The following PCDH8 variants were observed in gnomAD, a reference collection of about 807,000 sequenced individuals.
PCDH8 encodes the protein protocadherin-8.
PCDH8 carries 36 observed loss-of-function variants against 58.2 expected under a neutral mutation model. That is an observed-to-expected ratio of 0.62 (90% CI 0.47 to 0.82). The LOEUF is 0.82. PCDH8 is among the 40% of genes least tolerant of loss of function. PCDH8 has a pLI of 0.00. For missense variants in PCDH8, 1,493 were observed against 1,567.8 expected (o/e 0.95, Z 0.81); for synonymous variants, 775 against 728.9 (o/e 1.06, Z -1.02).
In PCDH8 at chr13:52,848,511, C is replaced by T; in HGVS notation, c.-75G>A. ...TTCCAGGTCGGGCGTCAGTCTCAGGCTCTCGGAATCACGCTCTTTGCGAGC... is the reference window on the plus strand; with the variant it reads ...TTCCAGGTCGGGCGTCAGTCTCAGGTTCTCGGAATCACGCTCTTTGCGAGC... On this transcript the variant is annotated 5_prime_UTR_variant, in exon 1 of 3. Transcript: ENST00000377942. The T allele has an allele frequency of 2.0e-6, 3 of 1,490,794 alleles. No homozygotes were observed. Among genetic ancestry groups the T allele is most frequent in the Non-Finnish European group, 2.7e-6 (3 of 1,126,740 alleles). The allele number at this position is 1,490,794 out of a possible 1,614,324, so 92.3% of individuals were successfully genotyped here.
rs1965752661 is a variant in PCDH8, at chr13:52,847,114, C to G, written c.1323G>C (p.Pro441=). The G allele has an allele frequency of 1.3e-6, 2 of 1,552,220 alleles. No homozygotes were observed. Among genetic ancestry groups the G allele is most frequent in the Admixed American group, 3.7e-5 (2 of 53,958 alleles). The change falls in exon 1 of 3, where the codon CCG becomes CCC. Residue 441 remains proline, a synonymous_variant. Coordinates refer to ENST00000377942, the MANE Select transcript of PCDH8 (RefSeq NM_002590.4). ...CCACCAGGTAGCTGCCCGCGTAGGCCGGCTGCAGCCGGAAGTGCTCGTGCC... is the reference window on the plus strand; with the variant it reads ...CCACCAGGTAGCTGCCCGCGTAGGCGGGCTGCAGCCGGAAGTGCTCGTGCC... ...LYGHEHFRLQ[P]AYAGSYLVVT...
rs1593426568 is a variant in PCDH8, at chr13:52,847,175, G to A, written c.1262C>T (p.Ser421Leu). The A allele has an allele frequency of 6.7e-7, 1 of 1,489,400 alleles. No homozygotes were observed. The highest frequency in any genetic ancestry group is 1.4e-5 in the African/African-American group (1 of 69,074). The allele number at this position is 1,489,400 out of a possible 1,614,324, so 92.3% of individuals were successfully genotyped here. The change falls in exon 1 of 3, where the codon TCG becomes TTG. Residue 421 changes from serine to leucine, a missense_variant. This residue lies in a region of PCDH8 where 1,307 missense variants were observed against 1,362.7 expected (regional missense o/e 0.96). Coordinates refer to ENST00000377942, the MANE Select transcript of PCDH8 (RefSeq NM_002590.4). The part of the protein sequence containing the change: ...VALVSTSDRD[S>L]GANGQVRCAL... ...GCAGCGCACTTGCCCGTTGGCGCCC[G>A]AGTCCCTGTCCGAGGTGCTGACCAG...
chr13:52,845,964 G>C lies in PCDH8; in HGVS notation c.2473C>G (p.Pro825Ala). The C allele has an allele frequency of 6.7e-7, 1 of 1,493,348 alleles. No homozygotes were observed. Among genetic ancestry groups the C allele is most frequent in the Non-Finnish European group, 8.8e-7 (1 of 1,134,574 alleles). 92.5% of individuals were successfully genotyped at this position (1,493,348 alleles called of 1,614,324 possible). ...RPNMFDVLTF[P>A]GTGKAPFGSP... Reference sequence around the variant, plus strand: ...CCAAAGGGCGCTTTGCCGGTGCCAGGGAAGGTGAGCACGTCGAACATGTTG... The same window carrying C: ...CCAAAGGGCGCTTTGCCGGTGCCAGCGAAGGTGAGCACGTCGAACATGTTG... The change falls in exon 1 of 3, where the codon CCT (proline) becomes GCT (alanine). Residue 825 changes from proline (P) to alanine (A), a missense_variant. This residue lies in a region of PCDH8 where 1,307 missense variants were observed against 1,362.7 expected (regional missense o/e 0.96). Coordinates refer to ENST00000377942, the MANE Select transcript of PCDH8 (RefSeq NM_002590.4).
At position 52,844,491 on chromosome 13, in the gene PCDH8, T is replaced by C; in HGVS notation, c.*69A>G. On this transcript the variant is annotated 3_prime_UTR_variant, in exon 3 of 3. Coordinates refer to ENST00000377942, the MANE Select transcript of PCDH8 (RefSeq NM_002590.4). ...TCTTGCATATTTATATATACAACACTGAAACCGGTCAATAACTTAGGGGCT... is the reference window on the plus strand; with the variant it reads ...TCTTGCATATTTATATATACAACACCGAAACCGGTCAATAACTTAGGGGCT... 1 of 1,369,556 alleles carries C rather than the reference T, an allele frequency of 7.3e-7. No individual in the cohort carries two copies. Among genetic ancestry groups the C allele is most frequent in the Non-Finnish European group, 9.9e-7 (1 of 1,008,676 alleles). 84.8% of individuals were successfully genotyped at this position (1,369,556 alleles called of 1,614,324 possible). A position where few individuals can be genotyped will look rare whatever the true frequency, so the allele number is the denominator to read the frequency against.
intron 1 of PCDH8, 47 bp from the exon 2 acceptor site, chr13:52,845,679 G>A: frequency 6.3e-7 from 1 of 1,597,954 alleles, no homozygotes; most frequent in Admixed American, 1.7e-5. Flanking sequence ...GGTTGGATAA[G>A]AAACAAACAA....
Position 52,844,364 on chromosome 13 carries a change from A to G in PCDH8, c.*196T>C. On this transcript the variant is annotated 3_prime_UTR_variant, in exon 3 of 3. Coordinates refer to ENST00000377942, the MANE Select transcript of PCDH8 (RefSeq NM_002590.4). Reference sequence around the variant, plus strand: ...TAGCATAAGAAAAATTAAATACTGCACACATTTCATAAAAATTACATTAAC... The same window carrying G: ...TAGCATAAGAAAAATTAAATACTGCGCACATTTCATAAAAATTACATTAAC... The G allele has an allele frequency of 2.2e-6, 1 of 457,238 alleles. No individual in the cohort carries two copies. Among genetic ancestry groups the G allele is most frequent in the Non-Finnish European group, 3.8e-6 (1 of 261,478 alleles). The allele number at this position is 457,238 out of a possible 1,614,324, so 28.3% of individuals were successfully genotyped here.
Position 52,847,555 on chromosome 13 carries a change from G to A in PCDH8, c.882C>T (p.Arg294=), listed in dbSNP as rs1215106465. 6.4e-7 allele frequency: 1 copy of A among 1,568,372 alleles called. No homozygotes were observed. Among genetic ancestry groups the A allele is most frequent in the Non-Finnish European group, 8.6e-7 (1 of 1,165,144 alleles). ...AFGARTPPEA[R]RLFRLDPRSG... ...ATCGCGGGTCAAGCCGAAAGAGGCGGCGCGCCTCCGGCGGGGTGCGGGCGC... is the reference window on the plus strand; with the variant it reads ...ATCGCGGGTCAAGCCGAAAGAGGCGACGCGCCTCCGGCGGGGTGCGGGCGC... The change falls in exon 1 of 3, where the codon CGC becomes CGT. Residue 294 remains arginine (R), a synonymous_variant. Coordinates refer to ENST00000377942, the MANE Select transcript of PCDH8 (RefSeq NM_002590.4).
chr13:52,846,853 G>A lies in PCDH8; in HGVS notation c.1584C>T (p.Arg528=). The change falls in exon 1 of 3, where the codon CGC becomes CGT. Residue 528 remains arginine, a synonymous_variant. Transcript: ENST00000377942. Reference sequence around the variant, plus strand: ...GCAGCCGGTAGGTGACCTGGCCGTTGCGGCCCAGGTCCCGGTCGCGGGCGG... The same window carrying A: ...GCAGCCGGTAGGTGACCTGGCCGTTACGGCCCAGGTCCCGGTCGCGGGCGG... ...TVAARDRDLG[R]NGQVTYRLLE... is the part of the protein sequence containing the mutation. The A allele has an allele frequency of 6.5e-7, 1 of 1,548,370 alleles. No homozygotes were observed. The highest frequency in any genetic ancestry group is 8.7e-7 in the Non-Finnish European group (1 of 1,152,108).
At position 52,845,465 on chromosome 13, in the gene PCDH8, C is replaced by T; in HGVS notation, c.2799G>A (p.Gly933=). 1 of 1,614,166 alleles carries T rather than the reference C, an allele frequency of 6.2e-7. No homozygotes were observed. Among genetic ancestry groups the T allele is most frequent in the Non-Finnish European group, 8.5e-7 (1 of 1,180,014 alleles). The change falls in exon 2 of 3, where the codon GGG becomes GGA. Residue 933 remains glycine, a synonymous_variant. Coordinates refer to ENST00000377942, the MANE Select transcript of PCDH8 (RefSeq NM_002590.4). ...TGATGAGATCCTTTTTCAGAGCGTC[C>T]CCGCTGATGTCGGAATCGCTGTCGT... ...DFNDSDSDIS[G]DALKKDLINH...
At position 52,846,534 on chromosome 13, in the gene PCDH8, G is replaced by T; in HGVS notation, c.1903C>A (p.Arg635Ser). 2 of 1,598,016 alleles carry T rather than the reference G, an allele frequency of 1.3e-6. No individual in the cohort carries two copies. The highest frequency in any genetic ancestry group is 1.7e-6 in the Non-Finnish European group (2 of 1,177,512). Residue 635 changes from arginine (R) to serine (S), a missense_variant, in exon 1 of 3, where the codon CGT (arginine) becomes AGT (serine). Physicochemically the swap from Arg to Ser is moderately radical, Grantham distance 110 (BLOSUM62 -1). This residue lies in a region of PCDH8 where 1,307 missense variants were observed against 1,362.7 expected (regional missense o/e 0.96). Transcript: ENST00000377942. ...TCGTCTGCATCCCGGGCCTGCACAC[G>T]GGCCACAACCGTGTCCTTTGCGGTG... ...GRTAKDTVVA[R>S]VQARDADEGA...
Position 52,846,038 on chromosome 13 carries a change from G to A in PCDH8, c.2399C>T (p.Ser800Leu), listed in dbSNP as rs1227280613. 6 of 1,498,144 alleles carry A rather than the reference G, an allele frequency of 4.0e-6. No homozygotes were observed. Among genetic ancestry groups the A allele is most frequent in the Admixed American group, 2.5e-5 (1 of 39,504 alleles). The allele number at this position is 1,498,144 out of a possible 1,614,324, so 92.8% of individuals were successfully genotyped here. Residue 800 changes from serine (S) to leucine (L), a missense_variant, in exon 1 of 3, where the codon TCG (serine) becomes TTG (leucine). Ser to Leu is a moderately radical substitution (Grantham distance 145). Transcript: ENST00000377942. The part of the protein sequence containing the change: ...ERPGAAGGGA[S>L]APGSPEEAAR... ...GGCCTCCTCCGGGGAGCCGGGAGCC[G>A]AGGCTCCGCCGCCCGCCGCCCCGGG...
chr13:52,847,605 T>A lies in PCDH8; in HGVS notation c.832A>T (p.Asn278Tyr). Residue 278 changes from asparagine to tyrosine, a missense_variant, in exon 1 of 3, where the codon AAC becomes TAC. Asn to Tyr is a moderately radical substitution (Grantham distance 143). Transcript: ENST00000377942. ...LDAADPDEGP[N>Y]GDVVFAFGAR... Reference sequence around the variant, plus strand: ...CCAAATGCGAACACCACGTCGCCGTTAGGTCCCTCGTCGGGGTCGGCTGCG... The same window carrying A: ...CCAAATGCGAACACCACGTCGCCGTAAGGTCCCTCGTCGGGGTCGGCTGCG... 1 of 1,571,572 alleles carries A rather than the reference T, an allele frequency of 6.4e-7. No homozygotes were observed. Among genetic ancestry groups the A allele is most frequent in the Non-Finnish European group, 8.6e-7 (1 of 1,167,072 alleles).
At position 52,848,559 on chromosome 13, in the gene PCDH8, G is replaced by A; in HGVS notation, c.-123C>T. 2.8e-6 allele frequency: 4 copies of A among 1,429,860 alleles called. No homozygotes were observed. The highest frequency in any genetic ancestry group is 3.7e-6 in the Non-Finnish European group (4 of 1,094,962). The allele number at this position is 1,429,860 out of a possible 1,614,324, so 88.6% of individuals were successfully genotyped here. ...AGCCCTGTGCGGGAGAAGTCTGCGG[G>A]TAGCAGCTCCGAGCCTCCAGCGGGC... is the stretch of plus-strand genomic sequence containing the variant. On this transcript the variant is annotated 5_prime_UTR_variant, in exon 1 of 3. Transcript: ENST00000377942.
At position 52,846,223 on chromosome 13, in the gene PCDH8, C is replaced by G; in HGVS notation, c.2214G>C (p.Gly738=). 1 of 1,585,936 alleles carries G rather than the reference C, an allele frequency of 6.3e-7. No individual in the cohort carries two copies. The highest frequency in any genetic ancestry group is 1.1e-5 in the South Asian group (1 of 89,328). Reference sequence around the variant, plus strand: ...CCCATTGCAGCACCGACCCGGACACCCCGAGCCGAGAGCCAGGCGGGCGGG... The same window carrying G: ...CCCATTGCAGCACCGACCCGGACACGCCGAGCCGAGAGCCAGGCGGGCGGG... ...ERSRPPGSRL[G]VSGSVLQWDT... The change falls in exon 1 of 3, where the codon GGG becomes GGC. Residue 738 remains glycine, a synonymous_variant. Coordinates refer to ENST00000377942, the MANE Select transcript of PCDH8 (RefSeq NM_002590.4).
In PCDH8 at chr13:52,845,904, C is replaced by T; in HGVS notation, c.2533G>A (p.Ala845Thr). ...TCTGAGCCCGGCACTTCGGCCGCGG[C>T]GACCGCAGGCGGAGGCGCGTCCGCC... ...PAADAPPPAV[A>T]AAEVPGSEGG... The change falls in exon 1 of 3, where the codon GCC becomes ACC. Residue 845 changes from alanine (A) to threonine (T), a missense_variant. Transcript: ENST00000377942. The T allele has an allele frequency of 6.8e-7, 1 of 1,476,694 alleles. No individual in the cohort carries two copies. Among genetic ancestry groups the T allele is most frequent in the South Asian group, 1.3e-5 (1 of 75,952 alleles). 91.5% of individuals were successfully genotyped at this position (1,476,694 alleles called of 1,614,324 possible). A position where few individuals can be genotyped will look rare whatever the true frequency, so the allele number is the denominator to read the frequency against.
Position 52,845,049 on chromosome 13 carries a change from C to T in PCDH8, c.2840-116G>A, listed in dbSNP as rs572138106. 2.6e-4 allele frequency: 285 copies of T among 1,107,334 alleles called. No homozygotes were observed. The African/African-American group carries it at 4.0e-3, about 16-fold the overall frequency. The allele number at this position is 1,107,334 out of a possible 1,614,324, so 68.6% of individuals were successfully genotyped here. On this transcript the variant is annotated intron_variant, in intron 2 of 2. Transcript: ENST00000377942. ...AGGGCAGCTGAAAGGAAAGGCTGTG[C>T]GCATAGATATACACCGTGTCTCAAG...
Position 52,847,223 on chromosome 13 carries a change from G to GC in PCDH8, c.1213dup (p.Ala405GlyfsTer99). ...CAGGGCCACCAGGCTCTCGCGCGCC[G>GC]CCCCCTCCGGCACCAGCGAAGTGGC... On this transcript the variant is annotated frameshift_variant, in exon 1 of 3. Coordinates refer to ENST00000377942, the MANE Select transcript of PCDH8 (RefSeq NM_002590.4). LOFTEE classifies it high-confidence loss of function. The GC allele has an allele frequency of 7.2e-7, 1 of 1,396,890 alleles. No individual in the cohort carries two copies. Among genetic ancestry groups the GC allele is most frequent in the Non-Finnish European group, 9.2e-7 (1 of 1,082,654 alleles). 86.5% of individuals were successfully genotyped at this position (1,396,890 alleles called of 1,614,324 possible).
In PCDH8 at chr13:52,843,720, A is replaced by G. The variant is rs1965691100; in HGVS notation, c.*840T>C. The stretch of plus-strand genomic sequence containing the variant: ...ACTTTTTGGTGGCTGCTCAATGAAT[A>G]TTTACCTAGTGAATAAATGAGAGCA... On this transcript the variant is annotated 3_prime_UTR_variant, in exon 3 of 3. Coordinates refer to ENST00000377942, the MANE Select transcript of PCDH8 (RefSeq NM_002590.4). 2 of 152,168 alleles carry G rather than the reference A, an allele frequency of 1.3e-5. No homozygotes were observed. 9.4% of individuals were successfully genotyped at this position (152,168 alleles called of 1,614,324 possible).
chr13:52,845,438 G>C lies in PCDH8; in HGVS notation c.2826C>G (p.Asn942Lys). 6.2e-7 allele frequency: 1 copy of C among 1,614,182 alleles called. No individual in the cohort carries two copies. The highest frequency in any genetic ancestry group is 8.5e-7 in the Non-Finnish European group (1 of 1,180,006). Reference protein sequence around the residue: ...SGDALKKDLINHMQSGLWACT... With the variant: ...SGDALKKDLIKHMQSGLWACT... Reference sequence around the variant, plus strand: ...AAGAGTCCTCACCACTCTGCATGTGGTTGATGAGATCCTTTTTCAGAGCGT... The same window carrying C: ...AAGAGTCCTCACCACTCTGCATGTGCTTGATGAGATCCTTTTTCAGAGCGT... Residue 942 changes from asparagine to lysine, a missense_variant, in exon 2 of 3, where the codon AAC becomes AAG. Around this residue, in one of 3 missense-constraint regions of PCDH8, gnomAD observed 182 missense variants for 178.9 expected, o/e 1.02. Coordinates refer to ENST00000377942, the MANE Select transcript of PCDH8 (RefSeq NM_002590.4).
Sources: allele counts gnomAD v4.1 joint callset, GRCh38; gene constraint gnomAD v4.1.1; regional missense constraint gnomAD v4.1.1; transcripts MANE v1.5; gene names NCBI Gene and HGNC (gene_info 2026-07-23, HGNC 2026-07-21).